The following STK39 variants were observed in gnomAD, a reference collection of about 807,000 sequenced individuals.
STK39 encodes STE20/SPS1-related proline-alanine-rich protein kinase.
A neutral mutation model predicts 77.8 loss-of-function variants in STK39; 20 were observed. The observed-to-expected ratio is 0.26, with a 90% CI of 0.18 to 0.37. STK39 has a LOEUF of 0.37. Ranked by LOEUF, STK39 falls within the 10% of genes least tolerant of loss-of-function variation. The probability of loss-of-function intolerance (pLI) is 1.00; values close to 1 mark genes in which losing one functional copy is unlikely to be tolerated. For missense variants in STK39, 479 were observed against 656.5 expected, an observed-to-expected ratio of 0.73 and a Z score of 2.95; for synonymous variants, 246 against 234.1, an observed-to-expected ratio of 1.05 and a Z score of -0.47.
intron 10 of STK39, among the ~76,000 whole-genome samples, chr2:168,116,351 C>T (rs1413869616): frequency 6.6e-6 from 1 of 152,132 alleles, no homozygotes; most frequent in Non-Finnish European, 1.5e-5. Context: ...AATTAAAAGT[C>T]ATTAGACACT....
intron 16 of STK39, among the ~76,000 whole-genome samples, chr2:167,991,336 C>G (rs1683696165): frequency 6.6e-6 from 1 of 152,172 alleles, no homozygotes. Flanking sequence ...CAGCCCTGGG[C>G]AGCACCCTGG....
chr2:167,955,300 G>T lies in STK39; in HGVS notation c.*196C>A, dbSNP rs1293321569. 11 of 518,102 alleles carry T rather than the reference G, an allele frequency of 2.1e-5. No homozygotes were observed. The highest frequency in any genetic ancestry group is 1.0e-3 in the Middle Eastern group (2 of 1,950). 32.1% of individuals were successfully genotyped at this position (518,102 alleles called of 1,614,324 possible). Reference sequence around the variant, plus strand: ...CTGTGGATTGCTAGAGAATAAAGCAGAACTCGGAGTGTTGTAAGTTTTAAA... The same window carrying T: ...CTGTGGATTGCTAGAGAATAAAGCATAACTCGGAGTGTTGTAAGTTTTAAA... On this transcript the variant is annotated 3_prime_UTR_variant, in exon 18 of 18. Coordinates refer to ENST00000355999, the MANE Select transcript of STK39 (RefSeq NM_013233.3).
rs901442735 is a variant in STK39, at chr2:168,123,732, G to A, written c.1089+5809C>T. 4.6e-5 allele frequency among the ~76,000 whole-genome samples: 7 copies of A among 152,020 alleles called. 1 individual carries two copies. Among genetic ancestry groups the A allele is most frequent in the Non-Finnish European group, 8.8e-5 (6 of 67,990 alleles). On this transcript the variant is annotated intron_variant, in intron 10 of 17. Transcript: ENST00000355999. Reference sequence around the variant, plus strand: ...AAAAATATAAAAATTAGCCGGGCATGGTGGCGGGCACCTGTAATCCCAGCT... The same window carrying A: ...AAAAATATAAAAATTAGCCGGGCATAGTGGCGGGCACCTGTAATCCCAGCT...
intron 1 of STK39, among the ~76,000 whole-genome samples, chr2:168,244,315 TTC>T (rs1558894974): frequency 2.6e-5 from 4 of 152,348 alleles, no homozygotes; most frequent in African/African-American, 9.6e-5. Context: ...AGTAAACTTA[TTC>T]TCTCTTAATC....
At chr2:168,021,861 G>A (rs1684580960) in intron 14 of STK39, among the ~76,000 whole-genome samples, 1 of 151,152 alleles carries the variant, frequency 6.6e-6, no homozygotes, top group South Asian at 2.1e-4. Flanking sequence ...TAAATATTCT[G>A]TGAAAATTGG....
At position 168,163,754 on chromosome 2, in the gene STK39, T is replaced by C. The variant is rs1339950448; in HGVS notation, c.557A>G (p.Asn186Ser). Reference protein sequence around the residue: ...VLEGLDYLHRNGQIHRDLKAG... With the variant: ...VLEGLDYLHRSGQIHRDLKAG... ...GAGGTCATACCTGTGAATCTGACCG[T>C]TTCTGTGTAGATAGTCTAAGCCTTC... Residue 186 changes from asparagine to serine, a missense_variant, in exon 4 of 18, where the codon AAC (asparagine) becomes AGC (serine). Coordinates refer to ENST00000355999, the MANE Select transcript of STK39 (RefSeq NM_013233.3). 1 of 1,613,950 alleles carries C rather than the reference T, an allele frequency of 6.2e-7. No individual in the cohort carries two copies. The highest frequency in any genetic ancestry group is 2.2e-5 in the East Asian group (1 of 44,832).
intron 1 of STK39, among the ~76,000 whole-genome samples, chr2:168,237,542 T>C (rs914417444): frequency 2.0e-4 from 30 of 152,326 alleles, no homozygotes; most frequent in African/African-American, 7.2e-4. Context: ...AGGGAATGCT[T>C]CCAGTTTTTG....
intron 8 of STK39, among the ~76,000 whole-genome samples, chr2:168,136,898 G>GT: frequency 6.6e-6 from 1 of 152,268 alleles, no homozygotes; most frequent in Middle Eastern, 3.4e-3. Flanking sequence ...ATAGTACACA[G>GT]GTATGACAAA....
intron 16 of STK39, among the ~76,000 whole-genome samples, chr2:168,007,210 T>C (rs990289566): frequency 5.3e-5 from 8 of 152,240 alleles, no homozygotes; most frequent in African/African-American, 1.9e-4. Context: ...ACTCTTTCTT[T>C]ACACAGCTTT....
intron 8 of STK39, among the ~76,000 whole-genome samples, chr2:168,136,949 TAGC>T (rs1687856717): frequency 6.6e-6 from 1 of 152,204 alleles, no homozygotes; most frequent in Non-Finnish European, 1.5e-5. Flanking sequence ...AGATGGCTAA[TAGC>T]AGTCTTCATT....
At chr2:168,153,861 G>A (rs181261852) in intron 5 of STK39, among the ~76,000 whole-genome samples, 10 of 152,280 alleles carry the variant, frequency 6.6e-5, no homozygotes, top group East Asian at 1.9e-4. Context: ...AAGGCCTCAC[G>A]AGCCACCTTA....
chr2:168,004,997 CTTTTTTTTTTTTTT>C, intron 16 of STK39, among the ~76,000 whole-genome samples: 1 of 77,560 alleles, frequency 1.3e-5, no homozygotes, highest in East Asian at 4.1e-4. Flanking sequence ...AGAAGGCCCT[CTTTTTTTTTTTTTT>C]TTTTTTTTTT....
intron 5 of STK39, among the ~76,000 whole-genome samples, chr2:168,148,241 T>C (rs1688192590): frequency 1.3e-5 from 2 of 152,336 alleles, no homozygotes; most frequent in South Asian, 4.1e-4. Flanking sequence ...ATACTTCTGT[T>C]TGTTTTCTTT....
intron 1 of STK39, among the ~76,000 whole-genome samples, chr2:168,231,423 C>G (rs1190430752): frequency 6.6e-6 from 1 of 151,868 alleles, no homozygotes; most frequent in African/African-American, 2.4e-5. Flanking sequence ...GACACCAGCA[C>G]AAGTGTTAAA....
chr2:168,102,929 C>CAAAA lies in STK39; in HGVS notation c.1089+26608_1089+26611dup, dbSNP rs35442749. Among the ~76,000 whole-genome samples the CAAAA allele has an allele frequency of 6.6e-4, 33 of 50,078 alleles. 2 individuals are homozygous for CAAAA. Among genetic ancestry groups the CAAAA allele is most frequent in the Non-Finnish European group, 9.2e-4 (24 of 25,988 alleles). The allele number at this position is 50,078 out of a possible 152,430, so 32.9% of individuals were successfully genotyped here. A position where few individuals can be genotyped will look rare whatever the true frequency, so the allele number is the denominator to read the frequency against. ...TGGGCGACAGAGCGAGAATCCGTCT[C>CAAAA]AAAAAAAAAAAAAAAAAAAAAAAAA... On this transcript the variant is annotated intron_variant, in intron 10 of 17. Coordinates refer to ENST00000355999, the MANE Select transcript of STK39 (RefSeq NM_013233.3).
At chr2:168,005,667 G>A (rs888011097) in intron 16 of STK39, among the ~76,000 whole-genome samples, 11 of 152,124 alleles carry the variant, frequency 7.2e-5, no homozygotes, top group African/African-American at 2.4e-4. Flanking sequence ...AGGAAGACAA[G>A]CACGCAGTAG....
chr2:168,188,842 T>A (rs1045254167), intron 1 of STK39, among the ~76,000 whole-genome samples: 1 of 152,206 alleles, frequency 6.6e-6, no homozygotes, highest in Non-Finnish European at 1.5e-5. Context: ...CAACTTGCCC[T>A]ACGCATTAAT....
At chr2:168,006,751 C>T (rs531989579) in intron 16 of STK39, among the ~76,000 whole-genome samples, 1 of 152,320 alleles carries the variant, frequency 6.6e-6, no homozygotes, top group Non-Finnish European at 1.5e-5. Context: ...AAAATGTTTC[C>T]TGTTTCTTGC....
At chr2:168,009,541 A>G (rs1460183487) in intron 16 of STK39, among the ~76,000 whole-genome samples, 1 of 152,180 alleles carries the variant, frequency 6.6e-6, no homozygotes, top group African/African-American at 2.4e-5. Context: ...GAACATTACC[A>G]GTTGCAACAG....
Sources: allele counts gnomAD v4.1 joint callset (sites outside exome capture counted in the v4.1 genomes callset), GRCh38; gene constraint gnomAD v4.1.1; transcripts MANE v1.5; gene names NCBI Gene and HGNC (gene_info 2026-07-23, HGNC 2026-07-21).